The following ARL15 variants were observed in gnomAD, a reference collection of about 807,000 sequenced individuals.
The protein encoded by ARL15 is ADP-ribosylation factor-like protein 15.
Under a neutral mutation model 25.2 loss-of-function variants are expected in ARL15, and 19 were observed. That is an observed-to-expected ratio of 0.75 (90% CI 0.53 to 1.10). The LOEUF (loss-of-function observed/expected upper bound fraction) is 1.10. ARL15 is among the 50% of genes least tolerant of loss of function. The probability of loss-of-function intolerance (pLI) is 0.00; values close to 1 mark genes in which losing one functional copy is unlikely to be tolerated. For synonymous variants in ARL15, 94 were observed against 86.8 expected (o/e 1.08, Z -0.46); for missense variants, 220 against 246.0 (o/e 0.89, Z 0.71).
At chr5:54,038,302 C>T (rs1750233335) in intron 4 of ARL15, among the ~76,000 whole-genome samples, 1 of 152,044 alleles carries the variant, frequency 6.6e-6, no homozygotes, top group Non-Finnish European at 1.5e-5. Context: ...CTCTGCAGAG[C>T]AGATGTAGTT....
chr5:54,082,151 T>C (rs1751821280), intron 4 of ARL15, among the ~76,000 whole-genome samples: 1 of 150,314 alleles, frequency 6.7e-6, no homozygotes, highest in Non-Finnish European at 1.5e-5. Flanking sequence ...GGGTCTCAGT[T>C]CTCTGGGGCT....
intron 3 of ARL15, among the ~76,000 whole-genome samples, chr5:54,118,566 T>C (rs185329077): frequency 2.4e-3 from 372 of 152,310 alleles, no homozygotes; most frequent in Non-Finnish European, 4.1e-3. Flanking sequence ...TAAGATCTAC[T>C]GAAATTTAGG....
At chr5:53,939,495 C>T (rs1580099628) in intron 4 of ARL15, among the ~76,000 whole-genome samples, 1 of 152,146 alleles carries the variant, frequency 6.6e-6, no homozygotes, top group East Asian at 1.9e-4. Flanking sequence ...CCAGCACCTT[C>T]TGAGGCCGAG....
At chr5:54,194,066 C>T (rs572452763) in intron 1 of ARL15, among the ~76,000 whole-genome samples, 4 of 152,086 alleles carry the variant, frequency 2.6e-5, no homozygotes, top group Non-Finnish European at 2.9e-5. Context: ...AAATCCTAAT[C>T]GCCATGCATT....
chr5:53,898,563 T>C (rs7735724), intron 4 of ARL15, among the ~76,000 whole-genome samples: 67,579 of 152,000 alleles, frequency 0.44, 15,932 homozygotes, highest in Non-Finnish European at 0.54. Context: ...TTAATGTAGT[T>C]TATCTAGTTA....
intron 3 of ARL15, among the ~76,000 whole-genome samples, chr5:54,119,336 G>A (rs1473890975): frequency 6.6e-6 from 1 of 152,002 alleles, no homozygotes; most frequent in Non-Finnish European, 1.5e-5. Flanking sequence ...CTCACCATGT[G>A]ATACCTTCTG....
chr5:54,287,406 C>G (rs1412155539), intron 1 of ARL15, among the ~76,000 whole-genome samples: 1 of 151,550 alleles, frequency 6.6e-6, no homozygotes, highest in Non-Finnish European at 1.5e-5. Flanking sequence ...ATAGGCATGT[C>G]AGGAAAGACT....
chr5:54,080,917 G>A (rs919356274), intron 4 of ARL15, among the ~76,000 whole-genome samples: 3 of 152,154 alleles, frequency 2.0e-5, no homozygotes, highest in Non-Finnish European at 2.9e-5. Flanking sequence ...TTTCTGGTGA[G>A]ACCTCTCCTG....
At chr5:54,079,668 A>C (rs959777461) in intron 4 of ARL15, among the ~76,000 whole-genome samples, 1 of 152,074 alleles carries the variant, frequency 6.6e-6, no homozygotes, top group Non-Finnish European at 1.5e-5. Flanking sequence ...AATAAAAACA[A>C]ATTTAAAGAT....
intron 4 of ARL15, among the ~76,000 whole-genome samples, chr5:54,008,697 G>C (rs975403530): frequency 6.6e-6 from 1 of 152,200 alleles, no homozygotes; most frequent in African/African-American, 2.4e-5. Flanking sequence ...GTGAACAAGA[G>C]AAACACTGAA....
Position 53,886,711 on chromosome 5 carries a change from G to A in ARL15, c.465C>T (p.Ile155=). The change falls in exon 5 of 5, where the codon ATC becomes ATT. Residue 155 remains isoleucine, a splice_region_variant and synonymous_variant. Transcript: ENST00000504924. ...GTGGTTCAAGTTCAAAATATTTTTT[G>A]ATCTTAAGAGGAAAAAATAAAGATA... ...DKPAARSVQE[I]KKYFELEPLA... The A allele has an allele frequency of 6.5e-7, 1 of 1,545,124 alleles. No homozygotes were observed. The highest frequency in any genetic ancestry group is 8.7e-7 in the Non-Finnish European group (1 of 1,147,340).
intron 4 of ARL15, among the ~76,000 whole-genome samples, chr5:53,914,921 C>T (rs1206005875): frequency 6.6e-6 from 1 of 152,184 alleles, no homozygotes; most frequent in African/African-American, 2.4e-5. Flanking sequence ...AGCAATTCTC[C>T]TGCCTCAGCC....
chr5:53,999,272 T>G (rs1276055037), intron 4 of ARL15, among the ~76,000 whole-genome samples: 1 of 151,618 alleles, frequency 6.6e-6, no homozygotes, highest in Non-Finnish European at 1.5e-5. Flanking sequence ...AGAAGGGAAC[T>G]TCAAACAAAA....
At chr5:54,059,837 C>T (rs146749650) in intron 4 of ARL15, among the ~76,000 whole-genome samples, 9 of 152,062 alleles carry the variant, frequency 5.9e-5, no homozygotes, top group African/African-American at 1.7e-4. Flanking sequence ...TTTTATGGAA[C>T]ATTAATGCTT....
chr5:54,236,091 G>C (rs1323367505), intron 1 of ARL15, among the ~76,000 whole-genome samples: 1 of 152,118 alleles, frequency 6.6e-6, no homozygotes, highest in African/African-American at 2.4e-5. Flanking sequence ...AGAACACAAT[G>C]TCTGATTCCT....
At chr5:54,022,539 C>G (rs1452177640) in intron 4 of ARL15, among the ~76,000 whole-genome samples, 1 of 152,106 alleles carries the variant, frequency 6.6e-6, no homozygotes, top group Non-Finnish European at 1.5e-5. Context: ...ACCACCTATT[C>G]TGAAGATTGC....
chr5:53,955,460 T>G (rs1326816099), intron 4 of ARL15, among the ~76,000 whole-genome samples: 2 of 152,116 alleles, frequency 1.3e-5, no homozygotes, highest in African/African-American at 4.8e-5. Context: ...TTTCGATAAA[T>G]AAAACACACT....
At chr5:54,187,480 A>T (rs907842268) in intron 1 of ARL15, among the ~76,000 whole-genome samples, 1 of 152,170 alleles carries the variant, frequency 6.6e-6, no homozygotes, top group Non-Finnish European at 1.5e-5. Flanking sequence ...AAAACAGAAC[A>T]TATTTATTCA....
In ARL15 at chr5:53,991,269, C is replaced by CGGTG. The variant is rs568151993; in HGVS notation, c.463-104560_463-104557dup. 1.6e-3 allele frequency among the ~76,000 whole-genome samples: 248 copies of CGGTG among 151,990 alleles called. 6 individuals are homozygous for CGGTG. In the South Asian group the frequency reaches 0.051, roughly 31 times the overall value. On this transcript the variant is annotated intron_variant, in intron 4 of 4. Transcript: ENST00000504924. ...AAAAGGAATTGAAGCAGGCCATGTA[C>CGGTG]GGTGGCTCACGCCTGTAATCCCAGC...
Sources: allele counts gnomAD v4.1 joint callset (sites outside exome capture counted in the v4.1 genomes callset), GRCh38; gene constraint gnomAD v4.1.1; transcripts MANE v1.5; gene names NCBI Gene and HGNC (gene_info 2026-07-23, HGNC 2026-07-21).